Variants in SNRNP48 observed in about 807,000 individuals in gnomAD.
The protein encoded by SNRNP48 is U11/U12 small nuclear ribonucleoprotein 48 kDa protein.
SNRNP48 carries 43 observed loss-of-function variants against 47.0 expected under a neutral mutation model. The ratio of observed to expected loss-of-function variants is 0.92; its 90% CI spans 0.72 to 1.18. The LOEUF (loss-of-function observed/expected upper bound fraction) is 1.18, where lower values mean the gene tolerates loss of function less well. Among genes scored for constraint, SNRNP48 ranks in the 50% most tolerant of loss-of-function variants. The pLI is 0.00. For synonymous variants in SNRNP48, 138 were observed against 144.0 expected (o/e 0.96, Z 0.30); for missense variants, 396 against 422.2 (o/e 0.94, Z 0.54).
Position 7,610,659 on chromosome 6 carries a change from G to C in SNRNP48, c.*1786G>C, listed in dbSNP as rs371049493. On this transcript the variant is annotated 3_prime_UTR_variant, in exon 9 of 9. Transcript: ENST00000342415. ...TTAGGAGTGGATTGGAGAAATTGGG[G>C]GGAAATAGAAGAGTACGGAGAAAGG... 7.9e-5 allele frequency: 12 copies of C among 152,264 alleles called. No homozygotes were observed. Among genetic ancestry groups the C allele is most frequent in the South Asian group, 6.2e-4 (3 of 4,818 alleles). The allele number at this position is 152,264 out of a possible 1,614,324, so 9.4% of individuals were successfully genotyped here. A position where few individuals can be genotyped will look rare whatever the true frequency, so the allele number is the denominator to read the frequency against.
At chr6:7,603,531 T>G (rs977296860) in intron 6 of SNRNP48, among the ~76,000 whole-genome samples, 2 of 152,240 alleles carry the variant, frequency 1.3e-5, no homozygotes, top group African/African-American at 4.8e-5. Flanking sequence ...TCTCTTAAAC[T>G]ATATCTGATT....
intron 8 of SNRNP48, 91 bp downstream of exon 8, chr6:7,606,286 G>A (rs1760126808): frequency 7.8e-7 from 1 of 1,280,154 alleles, no homozygotes; most frequent in Non-Finnish European, 1.1e-6. Context: ...TGAGAAAATA[G>A]ATTTTAAGAA....
At position 7,595,007 on chromosome 6, in the gene SNRNP48, G is replaced by T. The variant is rs756202101; in HGVS notation, c.332-20G>T. 3 of 1,468,888 alleles carry T rather than the reference G, an allele frequency of 2.0e-6. No homozygotes were observed. The South Asian group carries it at 3.7e-5, about 18-fold the overall frequency. The allele number at this position is 1,468,888 out of a possible 1,614,324, so 91.0% of individuals were successfully genotyped here. On this transcript the variant is annotated intron_variant, in intron 3 of 8. Transcript: ENST00000342415. Reference sequence around the variant, plus strand: ...ACTGATGATTCATATTGTATTTATGGATTTTTTTTTTTTTGACAGATAAGG... The same window carrying T: ...ACTGATGATTCATATTGTATTTATGTATTTTTTTTTTTTTGACAGATAAGG...
rs546013170 is a variant in SNRNP48 at position 7,602,551 on chromosome 6, GTATT to G, written c.596-66_596-63del. On this transcript the variant is annotated intron_variant, in intron 5 of 8. Transcript: ENST00000342415. ...ACAAGTTAAAATATAGGATTGTGAT[GTATT>G]TATTTGATAATTCATAGAATTTAAA... The G allele has an allele frequency of 3.0e-4, 353 of 1,167,248 alleles. 1 individual carries two copies. In the East Asian group the frequency reaches 7.4e-3, roughly 24 times the overall value. 72.3% of individuals were successfully genotyped at this position (1,167,248 alleles called of 1,614,324 possible).
rs1368518968 is a variant in SNRNP48, at chr6:7,608,871, T to C, written c.1018T>C (p.Ter340GlnextTer8). Reference protein sequence around the residue: ...HSHKRRKQKI* With the variant: ...HSHKRRKQKIQ ...TCATAAAAGAAGAAAGCAAAAAATA[T>C]AAATGAAGTACTTGTACCTATATTA... Residue 340 changes from the stop codon to glutamine (Q), a stop_lost, in exon 9 of 9, where the codon TAA becomes CAA. Transcript: ENST00000342415. 1.3e-6 allele frequency: 2 copies of C among 1,497,024 alleles called. No homozygotes were observed. The highest frequency in any genetic ancestry group is 3.9e-5 in the Admixed American group (2 of 51,814). 92.7% of individuals were successfully genotyped at this position (1,497,024 alleles called of 1,614,324 possible).
In SNRNP48 at chr6:7,606,039, A is replaced by T; in HGVS notation, c.815A>T (p.Glu272Val). The change falls in exon 8 of 9, where the codon GAA becomes GTA. Residue 272 changes from glutamate (E) to valine (V), a missense_variant. By Grantham distance (121) the Glu-to-Val change is moderately radical. Transcript: ENST00000342415. ...KAEDDAEKNE[E>V]RRSASVDSRQ... ...TCTTTTCTGTGTTTTAGGAATGAAGAAAGGCGATCAGCTTCAGTAGATTCA... is the reference window on the plus strand; with the variant it reads ...TCTTTTCTGTGTTTTAGGAATGAAGTAAGGCGATCAGCTTCAGTAGATTCA... 3 of 1,596,142 alleles carry T rather than the reference A, an allele frequency of 1.9e-6. No individual in the cohort carries two copies. The highest frequency in any genetic ancestry group is 2.6e-6 in the Non-Finnish European group (3 of 1,175,528).
At chr6:7,605,902 T>G in intron 7 of SNRNP48, 129 bp from the exon 8 acceptor site, 4 of 984,524 alleles carry the variant, frequency 4.1e-6, no homozygotes, top group Non-Finnish European at 4.5e-6. Flanking sequence ...GTTATAAGAT[T>G]GTGCATATTT....
At chr6:7,607,974 A>G (rs538495222) in intron 8 of SNRNP48, among the ~76,000 whole-genome samples, 3 of 152,362 alleles carry the variant, frequency 2.0e-5, no homozygotes, top group South Asian at 2.1e-4. Flanking sequence ...TATAATAACT[A>G]TAGTGCTTCT....
At chr6:7,606,590 A>T (rs1171618495) in intron 8 of SNRNP48, among the ~76,000 whole-genome samples, 3 of 152,166 alleles carry the variant, frequency 2.0e-5, no homozygotes, top group African/African-American at 7.2e-5. Context: ...AAATAAGGGT[A>T]TGTAGGGTCA....
At chr6:7,595,248 T>G in intron 4 of SNRNP48, 147 bp downstream of exon 4, 1 of 620,168 alleles carries the variant, frequency 1.6e-6, no homozygotes, top group Non-Finnish European at 2.7e-6. Flanking sequence ...CTAATTTGCT[T>G]CGTTTCAACT....
rs990985296 is a variant in SNRNP48, at chr6:7,611,602, G to A, written c.*2729G>A. 7.9e-5 allele frequency: 12 copies of A among 152,164 alleles called. 1 individual carries two copies. Among genetic ancestry groups the A allele is most frequent in the Admixed American group, 4.6e-4 (7 of 15,274 alleles). 9.4% of individuals were successfully genotyped at this position (152,164 alleles called of 1,614,324 possible). A position where few individuals can be genotyped will look rare whatever the true frequency, so the allele number is the denominator to read the frequency against. On this transcript the variant is annotated 3_prime_UTR_variant, in exon 9 of 9. Transcript: ENST00000342415. ...TGATCTTCAAGTATTTGCCACTTTC[G>A]AGTACAGCTAATTGGATAATCTCAA...
rs1175135386 is a variant in SNRNP48, at chr6:7,608,851, AAAG to A, written c.1004_1006del (p.Arg335del). The A allele has an allele frequency of 9.2e-6, 14 of 1,524,138 alleles. No homozygotes were observed. Among genetic ancestry groups the A allele is most frequent in the Non-Finnish European group, 1.3e-5 (14 of 1,118,466 alleles). The allele number at this position is 1,524,138 out of a possible 1,614,324, so 94.4% of individuals were successfully genotyped here. A position where few individuals can be genotyped will look rare whatever the true frequency, so the allele number is the denominator to read the frequency against. ...GATGGGGAAAGACACCATAGTCATA[AAAG>A]AAGAAAGCAAAAAATATAAATGAAG... On this transcript the variant is annotated inframe_deletion, in exon 9 of 9. Coordinates refer to ENST00000342415, the MANE Select transcript of SNRNP48 (RefSeq NM_152551.4).
chr6:7,601,117 A>C (rs891950690), intron 4 of SNRNP48: 2 of 401,072 alleles, frequency 5.0e-6, no homozygotes, highest in East Asian at 9.1e-5. Context: ...AGAATAGCAA[A>C]CATCCATAAT....
intron 4 of SNRNP48, among the ~76,000 whole-genome samples, chr6:7,599,342 G>T (rs893895911): frequency 6.6e-6 from 1 of 152,156 alleles, no homozygotes; most frequent in African/African-American, 2.4e-5. Context: ...AAGTTCTAGA[G>T]ATGGATAGAG....
chr6:7,594,943 G>A (rs1759876592), intron 3 of SNRNP48, 84 bp from the exon 4 acceptor site: 4 of 1,186,188 alleles, frequency 3.4e-6, no homozygotes, highest in African/African-American at 1.6e-5. Context: ...GTGCCCAAAG[G>A]GCTTGGATCA....
intron 7 of SNRNP48, 92 bp from the exon 8 acceptor site, chr6:7,605,939 T>C: frequency 1.5e-6 from 2 of 1,306,620 alleles, no homozygotes; most frequent in Middle Eastern, 1.9e-4. Flanking sequence ...TGGTTTGATA[T>C]AGAATATTAC....
intron 8 of SNRNP48, among the ~76,000 whole-genome samples, chr6:7,608,522 T>A (rs1170237413): frequency 6.6e-6 from 1 of 151,980 alleles, no homozygotes; most frequent in Non-Finnish European, 1.5e-5. Context: ...CCATTTGCGC[T>A]CCAGCCTGGG....
At chr6:7,604,837 G>A (rs1038279861) in intron 6 of SNRNP48, among the ~76,000 whole-genome samples, 3 of 152,048 alleles carry the variant, frequency 2.0e-5, no homozygotes, top group South Asian at 2.1e-4. Context: ...GTCTTATTAA[G>A]TCATATGATT....
At chr6:7,591,314 A>G (rs1484816106) in intron 1 of SNRNP48, among the ~76,000 whole-genome samples, 1 of 152,212 alleles carries the variant, frequency 6.6e-6, no homozygotes, top group South Asian at 2.1e-4. Flanking sequence ...AAGTGTATTT[A>G]GAGTGAACAT....
Sources: allele counts gnomAD v4.1 joint callset (sites outside exome capture counted in the v4.1 genomes callset), GRCh38; gene constraint gnomAD v4.1.1; transcripts MANE v1.5; gene names NCBI Gene and HGNC (gene_info 2026-07-23, HGNC 2026-07-21).